Variants in MGAT4C observed in about 807,000 individuals in gnomAD.
MGAT4C encodes the protein MGAT4 family member C.
In MGAT4C, 19 loss-of-function variants were observed where a neutral mutation model predicts 40.1. The observed-to-expected ratio is 0.47, with a 90% CI of 0.33 to 0.70. The LOEUF (loss-of-function observed/expected upper bound fraction) is 0.70, where lower values mean the gene tolerates loss of function less well. Among genes scored for constraint, MGAT4C ranks in the 30% least tolerant of loss-of-function variants. The pLI is 0.02. For missense variants in MGAT4C, 491 were observed against 563.2 expected, an observed-to-expected ratio of 0.87 and a Z score of 1.30; for synonymous variants, 181 against 187.1, an observed-to-expected ratio of 0.97 and a Z score of 0.27.
intron 1 of MGAT4C, among the ~76,000 whole-genome samples, chr12:86,185,351 T>C (rs1888644455): frequency 6.6e-6 from 1 of 152,172 alleles, no homozygotes; most frequent in Non-Finnish European, 1.5e-5. Flanking sequence ...ACAAAATATG[T>C]CTGATACATT....
chr12:86,047,516 C>T (rs1892512757), intron 2 of MGAT4C, among the ~76,000 whole-genome samples: 3 of 152,082 alleles, frequency 2.0e-5, no homozygotes, highest in African/African-American at 7.2e-5. Flanking sequence ...GTGAAAATTC[C>T]TACCAAACCT....
chr12:86,463,513 T>A (rs1957632695), intron 2 of MGAT4C, among the ~76,000 whole-genome samples: 1 of 152,180 alleles, frequency 6.6e-6, no homozygotes. Context: ...ATTCCTAATA[T>A]CTTTTCGTGT....
Position 86,127,870 on chromosome 12 carries a change from C to A in MGAT4C, c.-56-78147G>T, listed in dbSNP as rs550448807. 2.6e-5 allele frequency among the ~76,000 whole-genome samples: 4 copies of A among 152,124 alleles called. No homozygotes were observed. The East Asian group carries it at 7.7e-4, about 29-fold the overall frequency. ...GCGGTCATCTCCTATGGGAACAATTCCTTCTTTTCTTTTCTAATACCTCCT... is the reference window on the plus strand; with the variant it reads ...GCGGTCATCTCCTATGGGAACAATTACTTCTTTTCTTTTCTAATACCTCCT... On this transcript the variant is annotated intron_variant, in intron 1 of 4. Coordinates refer to ENST00000611864, the MANE Select transcript of MGAT4C (RefSeq NM_001351288.2).
intron 1 of MGAT4C, among the ~76,000 whole-genome samples, chr12:86,109,680 T>C (rs1876867991): frequency 6.6e-6 from 1 of 152,054 alleles, no homozygotes; most frequent in Non-Finnish European, 1.5e-5. Flanking sequence ...ATGCAAGTTA[T>C]ATTGATTCAT....
chr12:86,660,475 G>A (rs530798813), intron 2 of MGAT4C, among the ~76,000 whole-genome samples: 3 of 152,252 alleles, frequency 2.0e-5, no homozygotes, highest in East Asian at 3.9e-4. Flanking sequence ...CTATATGGAA[G>A]TGTCCTCTGG....
chr12:86,523,116 G>A lies in MGAT4C; in HGVS notation c.-228-87851C>T, dbSNP rs12309584. Reference sequence around the variant, plus strand: ...CTCCTTCAGTTCAGCTCTGATTTCCGGTATTTATTGTCTTCTAGTTTTGTG... The same window carrying A: ...CTCCTTCAGTTCAGCTCTGATTTCCAGTATTTATTGTCTTCTAGTTTTGTG... On this transcript the variant is annotated intron_variant, in intron 2 of 7. Coordinates refer to the MGAT4C transcript ENST00000548651. Among the ~76,000 whole-genome samples, 1,273 of 151,842 alleles carry A rather than the reference G, an allele frequency of 8.4e-3. 26 individuals are homozygous for A. The highest frequency in any genetic ancestry group is 0.029 in the African/African-American group (1,211 of 41,450).
At chr12:86,489,777 T>A (rs967973287) in intron 2 of MGAT4C, among the ~76,000 whole-genome samples, 1 of 151,910 alleles carries the variant, frequency 6.6e-6, no homozygotes, top group East Asian at 1.9e-4. Flanking sequence ...TTATCCTGCA[T>A]CAAAGCCTCA....
At position 86,825,805 on chromosome 12, in the gene MGAT4C, C is replaced by G. The variant is rs938495514; in HGVS notation, c.-262+12861G>C. ...ATACTACAGTGCCCCTTGGCTGATGCAAGTGAACATAAATTTATATATTTG... is the reference window on the plus strand; with the variant it reads ...ATACTACAGTGCCCCTTGGCTGATGGAAGTGAACATAAATTTATATATTTG... On this transcript the variant is annotated intron_variant, in intron 1 of 7. Transcript: ENST00000548651. Among the ~76,000 whole-genome samples, 4 of 151,302 alleles carry G rather than the reference C, an allele frequency of 2.6e-5. No individual in the cohort carries two copies. In the Admixed American group the frequency reaches 2.6e-4, roughly 10 times the overall value.
intron 2 of MGAT4C, among the ~76,000 whole-genome samples, chr12:86,472,017 C>A (rs1389659121): frequency 6.6e-6 from 1 of 152,096 alleles, no homozygotes; most frequent in Non-Finnish European, 1.5e-5. Flanking sequence ...ATTTTAACTG[C>A]ATATGGCAAA....
At chr12:86,418,846 A>G (rs1483299415) in intron 3 of MGAT4C, among the ~76,000 whole-genome samples, 1 of 151,998 alleles carries the variant, frequency 6.6e-6, no homozygotes, top group Non-Finnish European at 1.5e-5. Context: ...GAAGGAAAGA[A>G]AATTGAAAAA....
intron 1 of MGAT4C, among the ~76,000 whole-genome samples, chr12:86,072,429 A>C (rs1430537965): frequency 6.6e-6 from 1 of 152,110 alleles, no homozygotes; most frequent in Non-Finnish European, 1.5e-5. Context: ...ATTACAGGTA[A>C]TTAATGAAAA....
chr12:86,678,654 C>G lies in MGAT4C; in HGVS notation c.-229+48555G>C, dbSNP rs566744912. 2.3e-3 allele frequency among the ~76,000 whole-genome samples: 333 copies of G among 147,516 alleles called. 1 individual carries two copies. Among genetic ancestry groups the G allele is most frequent in the Non-Finnish European group, 2.0e-3 (133 of 67,154 alleles). On this transcript the variant is annotated intron_variant, in intron 2 of 7. Coordinates refer to the MGAT4C transcript ENST00000548651. ...TCCATGTGTTCTCATTGTTCAATTC[C>G]CACCTATGAGTGAGAATATGTGGTG...
intron 4 of MGAT4C, among the ~76,000 whole-genome samples, chr12:86,312,661 C>CTA (rs1021438057): frequency 6.6e-5 from 10 of 151,622 alleles, no homozygotes; most frequent in African/African-American, 9.7e-5. Context: ...TTATGAAAAC[C>CTA]TATATATATA....
At chr12:86,688,157 C>CTTTTTTTTTTTTTTT (rs55637680) in intron 2 of MGAT4C, among the ~76,000 whole-genome samples, 47 of 65,234 alleles carry the variant, frequency 7.2e-4, no homozygotes, top group Middle Eastern at 0.02. Flanking sequence ...GCAACCCCTG[C>CTTTTTTTTTTTTTTT]TTTTTTTTTT....
At chr12:86,299,756 C>A (rs1468458727) in intron 4 of MGAT4C, among the ~76,000 whole-genome samples, 4 of 152,022 alleles carry the variant, frequency 2.6e-5, no homozygotes, top group African/African-American at 9.7e-5. Flanking sequence ...CAAATTATAT[C>A]TTCTATATTG....
chr12:86,296,576 A>G (rs920469775), intron 4 of MGAT4C, among the ~76,000 whole-genome samples: 5 of 152,196 alleles, frequency 3.3e-5, no homozygotes, highest in Admixed American at 2.0e-4. Context: ...CCCAGCGAGA[A>G]ATCGAGCGCA....
intron 2 of MGAT4C, among the ~76,000 whole-genome samples, chr12:86,013,331 G>A (rs2136828591): frequency 6.6e-6 from 1 of 152,158 alleles, no homozygotes; most frequent in Middle Eastern, 3.4e-3. Context: ...TCGGTTCACT[G>A]CAAGCTCCGC....
Position 86,661,796 on chromosome 12 carries a change from G to A in MGAT4C, c.-229+65413C>T, listed in dbSNP as rs529061331. ...TCTACTAAAAATGCAAAAATTAGCC[G>A]GGCGTGGTGGTGTGTGCCTGTAGTT... On this transcript the variant is annotated intron_variant, in intron 2 of 7. Coordinates refer to the MGAT4C transcript ENST00000548651. 9.2e-5 allele frequency among the ~76,000 whole-genome samples: 14 copies of A among 152,030 alleles called. No homozygotes were observed. In the South Asian group the frequency reaches 1.9e-3, roughly 20 times the overall value.
At chr12:86,228,336 C>T (rs1448733701) in intron 1 of MGAT4C, among the ~76,000 whole-genome samples, 2 of 151,788 alleles carry the variant, frequency 1.3e-5, no homozygotes, top group African/African-American at 4.8e-5. Context: ...GAGTGCACCT[C>T]TATTTTATCT....
Sources: allele counts gnomAD v4.1 joint callset (sites outside exome capture counted in the v4.1 genomes callset), GRCh38; gene constraint gnomAD v4.1.1; transcripts MANE v1.5; gene names NCBI Gene and HGNC (gene_info 2026-07-23, HGNC 2026-07-21).